The following RSPH1 variants were observed in gnomAD, a reference collection of about 807,000 sequenced individuals.
The protein encoded by RSPH1 is radial spoke head 1 homolog.
Under a neutral mutation model 44.2 loss-of-function variants are expected in RSPH1, and 32 were observed. The observed-to-expected ratio is 0.72, with a 90% CI of 0.55 to 0.97. The LOEUF (loss-of-function observed/expected upper bound fraction) is 0.97, where lower values mean the gene tolerates loss of function less well. Ranked by LOEUF, RSPH1 falls within the 50% of genes least tolerant of loss-of-function variation. RSPH1 has a pLI of 0.00. For missense variants in RSPH1, 391 were observed against 398.7 expected, an observed-to-expected ratio of 0.98 and a Z score of 0.16; for synonymous variants, 134 against 147.3, an observed-to-expected ratio of 0.91 and a Z score of 0.65.
At chr21:42,495,181 C>T (rs2054275394) in intron 1 of RSPH1, among the ~76,000 whole-genome samples, 1 of 152,238 alleles carries the variant, frequency 6.6e-6, no homozygotes, top group Non-Finnish European at 1.5e-5. Context: ...GCACTAGCTA[C>T]TGGCTGTCTG....
rs986144444 is a variant in RSPH1, at chr21:42,474,545, G to T, written c.877+1353C>A. On this transcript the variant is annotated intron_variant, in intron 8 of 8. Coordinates refer to ENST00000291536, the MANE Select transcript of RSPH1 (RefSeq NM_080860.4). The surrounding 1 kb of genome is among the most constrained non-coding windows in gnomAD (Gnocchi z 5.2). ...CCAGCTGTGCTCCACAGTGACTAAG[G>T]ACTGACATCTGTGGGCACAGCTAGA... 1.3e-5 allele frequency among the ~76,000 whole-genome samples: 2 copies of T among 152,212 alleles called. No individual in the cohort carries two copies. Among genetic ancestry groups the T allele is most frequent in the African/African-American group, 4.8e-5 (2 of 41,444 alleles).
Position 42,473,489 on chromosome 21 carries a change from T to TAA in RSPH1, c.878-621_878-620dup, listed in dbSNP as rs5844123. The stretch of plus-strand genomic sequence containing the variant: ...TGAGCAACAGAGCAAGATTCCATCT[T>TAA]AAAAAAAAAAAAAAAAAAAGCAGAA... On this transcript the variant is annotated intron_variant, in intron 8 of 8. Transcript: ENST00000291536. 5.6e-3 allele frequency among the ~76,000 whole-genome samples: 705 copies of TAA among 125,456 alleles called. 8 individuals carry two copies. The highest frequency in any genetic ancestry group is 0.02 in the African/African-American group (670 of 33,228). 82.3% of individuals were successfully genotyped at this position (125,456 alleles called of 152,430 possible).
At chr21:42,475,844 T>C (rs1203755952) in intron 8 of RSPH1, 54 bp downstream of exon 8, 4 of 1,587,846 alleles carry the variant, frequency 2.5e-6, no homozygotes, top group Non-Finnish European at 3.4e-6. Flanking sequence ...AATCCCACTG[T>C]TCGTGGCCCC....
At chr21:42,487,205 T>A (rs1208210309) in intron 3 of RSPH1, among the ~76,000 whole-genome samples, 2 of 152,232 alleles carry the variant, frequency 1.3e-5, no homozygotes, top group Admixed American at 6.5e-5. Context: ...CTCCATGATG[T>A]GGACAACTGC....
At position 42,482,636 on chromosome 21, in the gene RSPH1, C is replaced by A. The variant is rs2146651752; in HGVS notation, c.573+1G>T. On this transcript the variant is annotated splice_donor_variant, in intron 6 of 8. Coordinates refer to ENST00000291536, the MANE Select transcript of RSPH1 (RefSeq NM_080860.4). LOFTEE classifies it high-confidence loss of function. ...AAAACCCTACATGCTCCGCAACTTA[C>A]CATATCTGTTAAACGATATTCACCA... 6.2e-7 allele frequency: 1 copy of A among 1,607,930 alleles called. No homozygotes were observed. The highest frequency in any genetic ancestry group is 8.5e-7 in the Non-Finnish European group (1 of 1,175,326).
chr21:42,489,333 T>C (rs914852342), intron 3 of RSPH1, among the ~76,000 whole-genome samples: 1 of 151,706 alleles, frequency 6.6e-6, no homozygotes, highest in Non-Finnish European at 1.5e-5. Context: ...AGTTGGTTGG[T>C]TAATTGGTTG....
At chr21:42,485,918 C>A in intron 4 of RSPH1, 114 bp from the exon 5 acceptor site, 1 of 1,304,162 alleles carries the variant, frequency 7.7e-7, no homozygotes, top group Non-Finnish European at 1.1e-6. Context: ...GGCTCACAAG[C>A]GATGTAGCTT....
intron 5 of RSPH1, 45 bp downstream of exon 5, chr21:42,485,624 G>A: frequency 6.2e-7 from 1 of 1,611,454 alleles, no homozygotes; most frequent in Non-Finnish European, 8.5e-7. Flanking sequence ...GCCAGAGGGG[G>A]TTATTTTGTA....
rs965263890 is a variant in RSPH1, at chr21:42,477,273, C to T, written c.727+18G>A. The stretch of plus-strand genomic sequence containing the variant: ...ACCCTCTGCCCCCTCCACCCCACAG[C>T]CCGGGGGTGCCCCACACTCTCAGCT... On this transcript the variant is annotated intron_variant, in intron 7 of 8. Transcript: ENST00000291536. 4 of 1,606,974 alleles carry T rather than the reference C, an allele frequency of 2.5e-6. No homozygotes were observed. The highest frequency in any genetic ancestry group is 1.4e-5 in the African/African-American group (1 of 70,518).
At chr21:42,481,430 C>T (rs981355052) in intron 6 of RSPH1, among the ~76,000 whole-genome samples, 1 of 152,106 alleles carries the variant, frequency 6.6e-6, no homozygotes, top group Non-Finnish European at 1.5e-5. Flanking sequence ...TATAGCAGCA[C>T]AAAAAGGACT....
Position 42,485,800 on chromosome 21 carries a change from C to T in RSPH1, c.370G>A (p.Gly124Arg), listed in dbSNP as rs2054175316. 1.9e-6 allele frequency: 3 copies of T among 1,614,204 alleles called. No individual in the cohort carries two copies. The highest frequency in any genetic ancestry group is 2.2e-5 in the South Asian group (2 of 91,088). ...TGEWFAHQRH[G>R]QGTYLYAETG... The stretch of plus-strand genomic sequence containing the variant: ...TCCGCGTATAAATAGGTGCCTTGCC[C>T]ATGCCTGGTTAAGACAAGGGGAACA... Residue 124 changes from glycine to arginine, a missense_variant, in exon 5 of 9, where the codon GGG becomes AGG. Coordinates refer to ENST00000291536, the MANE Select transcript of RSPH1 (RefSeq NM_080860.4).
intron 6 of RSPH1, among the ~76,000 whole-genome samples, chr21:42,478,345 G>A (rs1378798427): frequency 6.6e-6 from 1 of 152,222 alleles, no homozygotes; most frequent in Non-Finnish European, 1.5e-5. Context: ...GTTTGAATAT[G>A]GCCACCCATG....
At chr21:42,480,928 C>T (rs1442684468) in intron 6 of RSPH1, among the ~76,000 whole-genome samples, 2 of 152,030 alleles carry the variant, frequency 1.3e-5, no homozygotes, top group Non-Finnish European at 2.9e-5. Context: ...GACGAGGAGT[C>T]GGTTTAAAGC....
intron 4 of RSPH1, 151 bp downstream of exon 4, chr21:42,486,220 C>G (rs563813516): frequency 1.5e-6 from 1 of 662,194 alleles, no homozygotes; most frequent in Non-Finnish European, 2.7e-6. Flanking sequence ...GCATCCTTGC[C>G]TCAAAGCCAT....
chr21:42,483,237 A>AT (rs200249424), intron 5 of RSPH1, among the ~76,000 whole-genome samples: 7,578 of 141,760 alleles, frequency 0.053, 483 homozygotes, highest in African/African-American at 0.16. Context: ...TGGGATACTG[A>AT]TTTTTTTTTT....
intron 5 of RSPH1, 29 bp from the exon 6 acceptor site, chr21:42,482,737 T>A: frequency 6.5e-7 from 1 of 1,536,814 alleles, no homozygotes; most frequent in Non-Finnish European, 9.0e-7. Context: ...CATTCTTAAG[T>A]GTCAACACCC....
chr21:42,496,215 C>T lies in RSPH1; in HGVS notation c.-29G>A, dbSNP rs771548596. The T allele has an allele frequency of 3.7e-5, 59 of 1,613,690 alleles. No homozygotes were observed. Among genetic ancestry groups the T allele is most frequent in the Non-Finnish European group, 4.8e-5 (57 of 1,179,732 alleles). On this transcript the variant is annotated 5_prime_UTR_variant, in exon 1 of 9. Transcript: ENST00000291536. ...CTCGCCCCAGCCTGGATCACAGCCG[C>T]AGCGCCTCTAGCAGGTGGGTAGCAA... is the stretch of plus-strand genomic sequence containing the variant.
intron 1 of RSPH1, among the ~76,000 whole-genome samples, chr21:42,494,598 A>G (rs1158613488): frequency 6.6e-6 from 1 of 152,218 alleles, no homozygotes; most frequent in African/African-American, 2.4e-5. Context: ...AATTATAGGC[A>G]CTAAAAAGTT....
At chr21:42,475,476 G>A (rs951363680) in intron 8 of RSPH1, among the ~76,000 whole-genome samples, 3 of 151,288 alleles carry the variant, frequency 2.0e-5, no homozygotes, top group African/African-American at 4.9e-5. Flanking sequence ...GCTGAGGCAG[G>A]GGAATTGCTT....
Sources: allele counts gnomAD v4.1 joint callset (sites outside exome capture counted in the v4.1 genomes callset), GRCh38; gene constraint gnomAD v4.1.1; non-coding constraint Gnocchi (gnomAD v3.1); transcripts MANE v1.5; gene names NCBI Gene and HGNC (gene_info 2026-07-23, HGNC 2026-07-21).